AKAP11: variants seen among roughly 807,000 people sequenced by gnomAD.
AKAP11 encodes A-kinase anchoring protein 11, also known as A-kinase anchor protein 11.
AKAP11 carries 36 observed loss-of-function variants against 146.1 expected under a neutral mutation model. That is an observed-to-expected ratio of 0.25 (90% CI 0.19 to 0.33). The LOEUF is 0.33. Ranked by LOEUF, AKAP11 falls within the 10% of genes least tolerant of loss-of-function variation. The pLI is 1.00. For missense variants in AKAP11, 2,201 were observed against 2,197.0 expected, an observed-to-expected ratio of 1.00 and a Z score of -0.04; for synonymous variants, 780 against 786.5, an observed-to-expected ratio of 0.99 and a Z score of 0.14.
rs183832231 is a variant in AKAP11 at position 42,306,710 on chromosome 13, A to G, written c.5118-1744A>G. 2.7e-3 allele frequency among the ~76,000 whole-genome samples: 405 copies of G among 152,326 alleles called. 5 individuals are homozygous for G. The highest frequency in any genetic ancestry group is 7.9e-3 in the South Asian group (38 of 4,824). The stretch of plus-strand genomic sequence containing the variant: ...GATTCATTCAGATGGATTATTCTTT[A>G]AGGTATTATTTCACCTGATGTCCCT... On this transcript the variant is annotated intron_variant, in intron 8 of 12. Coordinates refer to ENST00000025301, the MANE Select transcript of AKAP11 (RefSeq NM_016248.4).
rs563008984 is a variant in AKAP11 at position 42,280,374 on chromosome 13, C to A, written c.-99-5612C>A. 6.6e-5 allele frequency among the ~76,000 whole-genome samples: 10 copies of A among 152,264 alleles called. No individual in the cohort carries two copies. The South Asian group carries it at 1.5e-3, about 22-fold the overall frequency. ...AAAATGTGTATTTGGAGTGTTTACT[C>A]TAAATGTGATCTCAGATACTATAAA... On this transcript the variant is annotated intron_variant, in intron 1 of 12. Coordinates refer to ENST00000025301, the MANE Select transcript of AKAP11 (RefSeq NM_016248.4).
intron 8 of AKAP11, 83 bp downstream of exon 8, chr13:42,303,946 A>G: frequency 1.4e-6 from 2 of 1,435,670 alleles, no homozygotes; most frequent in Non-Finnish European, 1.8e-6. Context: ...CTGTTCATAA[A>G]GGAATGATTA....
chr13:42,275,446 T>C (rs1264089323), intron 1 of AKAP11, among the ~76,000 whole-genome samples: 1 of 152,130 alleles, frequency 6.6e-6, no homozygotes, highest in Admixed American at 6.5e-5. Context: ...ATGGGAAAAA[T>C]GGATGAGGAA....
Position 42,297,223 on chromosome 13 carries a change from A to G in AKAP11, c.351+41A>G, listed in dbSNP as rs760636029. On this transcript the variant is annotated intron_variant, in intron 6 of 12. Coordinates refer to ENST00000025301, the MANE Select transcript of AKAP11 (RefSeq NM_016248.4). ...AATTTCTAATGAGATTTTTAGGGCA[A>G]ATTTTACTATATTTGATAAAGATGA... The G allele has an allele frequency of 2.2e-6, 3 of 1,348,330 alleles. No individual in the cohort carries two copies. In the African/African-American group the frequency reaches 4.6e-5, roughly 21 times the overall value. The allele number at this position is 1,348,330 out of a possible 1,614,324, so 83.5% of individuals were successfully genotyped here.
rs1353048854 is a variant in AKAP11 at position 42,323,198 on chromosome 13, C to A, written c.*3970C>A. On this transcript the variant is annotated 3_prime_UTR_variant, in exon 13 of 13. Coordinates refer to ENST00000025301, the MANE Select transcript of AKAP11 (RefSeq NM_016248.4). The stretch of plus-strand genomic sequence containing the variant: ...TGCAATTAATTGTTCTTTTATCTTA[C>A]AATTGTTTAAGCCTGTGATCTTTCT... The A allele has an allele frequency of 6.6e-6, 1 of 152,646 alleles. No individual in the cohort carries two copies. The highest frequency in any genetic ancestry group is 6.5e-5 in the Admixed American group (1 of 15,270). 9.5% of individuals were successfully genotyped at this position (152,646 alleles called of 1,614,324 possible).
At chr13:42,277,129 A>G (rs2138406334) in intron 1 of AKAP11, among the ~76,000 whole-genome samples, 1 of 152,348 alleles carries the variant, frequency 6.6e-6, no homozygotes, top group Middle Eastern at 3.4e-3. Flanking sequence ...TAATATTGCC[A>G]TACACATATA....
chr13:42,278,156 T>A (rs985629257), intron 1 of AKAP11, among the ~76,000 whole-genome samples: 2 of 152,090 alleles, frequency 1.3e-5, no homozygotes, highest in African/African-American at 2.4e-5. Context: ...ATTGAGAAAC[T>A]CTGTAGCGGT....
At position 42,300,603 on chromosome 13, in the gene AKAP11, G is replaced by A; in HGVS notation, c.1857G>A (p.Leu619=). ...CCATTAGTGGCCTGGCTAACTTTTT[G>A]GTGAGTGAAGCTTTATCAAATGCCT... The part of the protein sequence containing the change: ...ERAISGLANF[L]VSEALSNALK... Residue 619 remains leucine, a synonymous_variant, in exon 8 of 13, where the codon TTG becomes TTA. Coordinates refer to ENST00000025301, the MANE Select transcript of AKAP11 (RefSeq NM_016248.4). The A allele has an allele frequency of 6.2e-7, 1 of 1,613,950 alleles. No homozygotes were observed. Among genetic ancestry groups the A allele is most frequent in the Non-Finnish European group, 8.5e-7 (1 of 1,179,926 alleles).
intron 11 of AKAP11, among the ~76,000 whole-genome samples, chr13:42,316,411 A>C (rs1960822450): frequency 6.6e-6 from 1 of 152,222 alleles, no homozygotes; most frequent in Non-Finnish European, 1.5e-5. Flanking sequence ...ATCATTAAGC[A>C]GCAGGAATGT....
chr13:42,300,190 G>C lies in AKAP11; in HGVS notation c.1444G>C (p.Asp482His). Residue 482 changes from aspartate (D) to histidine (H), a missense_variant, in exon 8 of 13, where the codon GAT (aspartate) becomes CAT (histidine). By Grantham distance (81) the Asp-to-His change is moderately conservative. Around this residue, in one of 3 missense-constraint regions of AKAP11, gnomAD observed 1,867 missense variants for 1,833.5 expected, o/e 1.02. Coordinates refer to ENST00000025301, the MANE Select transcript of AKAP11 (RefSeq NM_016248.4). ...IGGDRIHENH[D>H]SVYYTYEDYA... is the part of the protein sequence containing the mutation. ...TGGAGATAGGATTCATGAAAATCAT[G>C]ATTCTGTTTATTACACCTATGAAGA... 1 of 1,613,886 alleles carries C rather than the reference G, an allele frequency of 6.2e-7. No homozygotes were observed. Among genetic ancestry groups the C allele is most frequent in the Non-Finnish European group, 8.5e-7 (1 of 1,179,866 alleles).
chr13:42,298,367 T>C (rs1346028899), intron 6 of AKAP11, among the ~76,000 whole-genome samples, 166 bp from the exon 7 acceptor site: 1 of 152,120 alleles, frequency 6.6e-6, no homozygotes, highest in East Asian at 1.9e-4. Flanking sequence ...GTGAAAAATG[T>C]AGAGAAAGAA....
chr13:42,322,019 T>G lies in AKAP11; in HGVS notation c.*2791T>G, dbSNP rs1961108466. 1 of 152,276 alleles carries G rather than the reference T, an allele frequency of 6.6e-6. No individual in the cohort carries two copies. Among genetic ancestry groups the G allele is most frequent in the South Asian group, 2.1e-4 (1 of 4,830 alleles). The allele number at this position is 152,276 out of a possible 1,614,324, so 9.4% of individuals were successfully genotyped here. On this transcript the variant is annotated 3_prime_UTR_variant, in exon 13 of 13. Coordinates refer to ENST00000025301, the MANE Select transcript of AKAP11 (RefSeq NM_016248.4). ...TTAAAATTACATGTATATTTTGGTGTTAAGGTTGATTTTTAAGATACTTCT... is the reference window on the plus strand; with the variant it reads ...TTAAAATTACATGTATATTTTGGTGGTAAGGTTGATTTTTAAGATACTTCT...
At chr13:42,309,779 T>C (rs904050869) in intron 9 of AKAP11, among the ~76,000 whole-genome samples, 28 of 152,206 alleles carry the variant, frequency 1.8e-4, no homozygotes, top group Non-Finnish European at 4.0e-4. Flanking sequence ...GTTTCTTCTC[T>C]CATTTTGAGA....
intron 1 of AKAP11, among the ~76,000 whole-genome samples, chr13:42,285,644 A>C (rs991892610): frequency 6.6e-6 from 1 of 152,244 alleles, no homozygotes; most frequent in South Asian, 2.1e-4. Flanking sequence ...CAAAGATGTT[A>C]AAGCATCTTT....
chr13:42,289,990 A>G (rs557991319), intron 3 of AKAP11, among the ~76,000 whole-genome samples: 1 of 152,268 alleles, frequency 6.6e-6, no homozygotes, highest in East Asian at 1.9e-4. Flanking sequence ...CACCTCTTTG[A>G]AAATCATTAA....
chr13:42,293,402 A>T (rs959030657), intron 4 of AKAP11, among the ~76,000 whole-genome samples: 1 of 152,122 alleles, frequency 6.6e-6, no homozygotes, highest in African/African-American at 2.4e-5. Flanking sequence ...ATTCCTTGAG[A>T]AATTCTCTAT....
chr13:42,298,769 G>T lies in AKAP11; in HGVS notation c.588G>T (p.Glu196Asp). Reference sequence around the variant, plus strand: ...TCACTGCTTTTGAGCACTTAGAAGAGGAAGAGACTTCAAAGCCATACAATG... The same window carrying T: ...TCACTGCTTTTGAGCACTTAGAAGATGAAGAGACTTCAAAGCCATACAATG... Reference protein sequence around the residue: ...DFVTAFEHLEEEETSKPYNDG... With the variant: ...DFVTAFEHLEDEETSKPYNDG... Residue 196 changes from glutamate (E) to aspartate (D), a missense_variant, in exon 7 of 13, where the codon GAG becomes GAT. Glu to Asp is a conservative substitution (Grantham distance 45). Around this residue, in one of 3 missense-constraint regions of AKAP11, gnomAD observed 331 missense variants for 347.4 expected, o/e 0.95. Coordinates refer to ENST00000025301, the MANE Select transcript of AKAP11 (RefSeq NM_016248.4). 1 of 1,590,300 alleles carries T rather than the reference G, an allele frequency of 6.3e-7. No individual in the cohort carries two copies. Among genetic ancestry groups the T allele is most frequent in the Non-Finnish European group, 8.5e-7 (1 of 1,173,132 alleles).
At chr13:42,298,877 A>G in intron 7 of AKAP11, 80 bp downstream of exon 7, 1 of 1,385,094 alleles carries the variant, frequency 7.2e-7, no homozygotes, top group Non-Finnish European at 9.6e-7. Flanking sequence ...AGGCTTGTTC[A>G]GTTGAAATTT....
chr13:42,302,683 A>G lies in AKAP11; in HGVS notation c.3937A>G (p.Arg1313Gly), dbSNP rs1424317541. Residue 1313 changes from arginine to glycine, a missense_variant, in exon 8 of 13, where the codon AGA (arginine) becomes GGA (glycine). Arg to Gly is a moderately radical substitution (Grantham distance 125). Around this residue, in one of 3 missense-constraint regions of AKAP11, gnomAD observed 1,867 missense variants for 1,833.5 expected, o/e 1.02. Coordinates refer to ENST00000025301, the MANE Select transcript of AKAP11 (RefSeq NM_016248.4). ...GGATATAGAGGCTGTAGTGCACCCA[A>G]GAGAAGTGGATCCGTTTATTCTTTC... ...KLDIEAVVHP[R>G]EVDPFILSLP... is the part of the protein sequence containing the mutation. 1 of 1,614,118 alleles carries G rather than the reference A, an allele frequency of 6.2e-7. No homozygotes were observed. The highest frequency in any genetic ancestry group is 1.7e-5 in the Admixed American group (1 of 60,010).
Sources: allele counts gnomAD v4.1 joint callset (sites outside exome capture counted in the v4.1 genomes callset), GRCh38; gene constraint gnomAD v4.1.1; regional missense constraint gnomAD v4.1.1; transcripts MANE v1.5; gene names NCBI Gene and HGNC (gene_info 2026-07-23, HGNC 2026-07-21).